LIN52: variants seen among roughly 807,000 people sequenced by gnomAD.
The protein encoded by LIN52 is lin-52 DREAM MuvB core complex component.
In LIN52, 4 loss-of-function variants were observed where a neutral mutation model predicts 18.5. The ratio of observed to expected loss-of-function variants is 0.22; its 90% CI spans 0.11 to 0.49. LIN52 has a LOEUF of 0.49. Among genes scored for constraint, LIN52 ranks in the 20% least tolerant of loss-of-function variants. The probability of loss-of-function intolerance (pLI) is 0.97; values close to 1 mark genes in which losing one functional copy is unlikely to be tolerated. For synonymous variants in LIN52, 34 were observed against 45.5 expected (o/e 0.75, Z 1.02); for missense variants, 102 against 139.5 (o/e 0.73, Z 1.35).
intron 5 of LIN52, among the ~76,000 whole-genome samples, chr14:74,177,049 A>T (rs533884505): frequency 6.0e-5 from 9 of 150,134 alleles, no homozygotes; most frequent in Non-Finnish European, 7.4e-5. Flanking sequence ...CCCAGGCCGG[A>T]GTGCAATGGT....
In LIN52 at chr14:74,199,021, C is replaced by T; in HGVS notation, c.*44C>T. The T allele has an allele frequency of 7.1e-7, 1 of 1,399,082 alleles. No homozygotes were observed. Among genetic ancestry groups the T allele is most frequent in the Non-Finnish European group, 1.0e-6 (1 of 986,202 alleles). The allele number at this position is 1,399,082 out of a possible 1,614,324, so 86.7% of individuals were successfully genotyped here. On this transcript the variant is annotated 3_prime_UTR_variant, in exon 6 of 6. Coordinates refer to ENST00000555028, the MANE Select transcript of LIN52 (RefSeq NM_001024674.3). The stretch of plus-strand genomic sequence containing the variant: ...ATGTCCTGGGGTCCGAAACCAAGCT[C>T]CCTTCCCGGTGCACCTCTAACAATG...
intron 5 of LIN52, among the ~76,000 whole-genome samples, chr14:74,102,304 C>G (rs2060863868): frequency 6.6e-6 from 1 of 152,170 alleles, no homozygotes; most frequent in African/African-American, 2.4e-5. Context: ...CTTCCTCAGA[C>G]CTCTTTATCC....
In LIN52 at chr14:74,198,997, T is replaced by C. The variant is rs1261549226; in HGVS notation, c.*20T>C. ...AAGTAGCAGCTGCTTGCGGACAGGA[T>C]GTCCTGGGGTCCGAAACCAAGCTCC... On this transcript the variant is annotated 3_prime_UTR_variant, in exon 6 of 6. Coordinates refer to ENST00000555028, the MANE Select transcript of LIN52 (RefSeq NM_001024674.3). 1.9e-6 allele frequency: 3 copies of C among 1,595,314 alleles called. No individual in the cohort carries two copies. The African/African-American group carries it at 4.0e-5, about 21-fold the overall frequency.
chr14:74,105,656 C>T (rs1417217693), intron 5 of LIN52, among the ~76,000 whole-genome samples: 1 of 151,550 alleles, frequency 6.6e-6, no homozygotes, highest in Non-Finnish European at 1.5e-5. Flanking sequence ...TCTGGTGTTT[C>T]AATGTCTAAA....
chr14:74,125,087 A>G (rs1265676050), intron 5 of LIN52, among the ~76,000 whole-genome samples: 2 of 152,190 alleles, frequency 1.3e-5, no homozygotes, highest in African/African-American at 4.8e-5. Flanking sequence ...AAACAGCCCA[A>G]TTAAGAAATT....
At chr14:74,101,751 C>T (rs1342766158) in intron 5 of LIN52, among the ~76,000 whole-genome samples, 5 of 152,100 alleles carry the variant, frequency 3.3e-5, no homozygotes, top group African/African-American at 9.7e-5. Flanking sequence ...TGAGCCACCG[C>T]GCCCGGCCGA....
chr14:74,149,926 C>A (rs1157060274), intron 5 of LIN52, among the ~76,000 whole-genome samples: 1 of 152,122 alleles, frequency 6.6e-6, no homozygotes, highest in Non-Finnish European at 1.5e-5. Flanking sequence ...TCTTGTGTTA[C>A]CATCTTAGCA....
At chr14:74,145,962 C>A (rs2061151176) in intron 5 of LIN52, among the ~76,000 whole-genome samples, 1 of 152,116 alleles carries the variant, frequency 6.6e-6, no homozygotes, top group Non-Finnish European at 1.5e-5. Context: ...ATAAAGACTG[C>A]AGATTCTATG....
intron 5 of LIN52, among the ~76,000 whole-genome samples, chr14:74,116,984 A>T (rs1013514820): frequency 2.0e-5 from 3 of 152,164 alleles, no homozygotes; most frequent in African/African-American, 4.8e-5. Flanking sequence ...AATAGGAAAA[A>T]AATACTACTT....
At chr14:74,114,412 A>G (rs2060951021) in intron 5 of LIN52, 1 of 985,492 alleles carries the variant, frequency 1.0e-6, no homozygotes, top group African/African-American at 1.7e-5. Flanking sequence ...GAGAGCTTGA[A>G]TGGATGATGG....
chr14:74,114,548 G>C, intron 5 of LIN52: 1 of 506,208 alleles, frequency 2.0e-6, no homozygotes, highest in Non-Finnish European at 2.6e-6. Flanking sequence ...TGATGTTTTA[G>C]CCTAATTAAT....
intron 5 of LIN52, among the ~76,000 whole-genome samples, chr14:74,180,986 A>G (rs1235577180): frequency 2.0e-5 from 3 of 151,616 alleles, no homozygotes; most frequent in Non-Finnish European, 4.4e-5. Flanking sequence ...ACGCACTTGT[A>G]ATCCCAGCTA....
intron 5 of LIN52, among the ~76,000 whole-genome samples, chr14:74,115,661 TAAGTA>T (rs976304147): frequency 1.2e-4 from 18 of 152,240 alleles, no homozygotes; most frequent in Admixed American, 3.3e-4. Flanking sequence ...AATTTAGCCT[TAAGTA>T]TTTTATTTTT....
chr14:74,142,247 A>G (rs62005156), intron 5 of LIN52, among the ~76,000 whole-genome samples: 2 of 152,208 alleles, frequency 1.3e-5, no homozygotes, highest in Admixed American at 6.5e-5. Flanking sequence ...TTCAAAATTG[A>G]GGTTTGACCA....
At chr14:74,115,449 G>T (rs920426824) in intron 5 of LIN52, among the ~76,000 whole-genome samples, 2 of 149,450 alleles carry the variant, frequency 1.3e-5, no homozygotes, top group African/African-American at 2.5e-5. Context: ...TAAAGCCAGA[G>T]AACTTGATTG....
chr14:74,179,696 C>G (rs28625146), intron 5 of LIN52, among the ~76,000 whole-genome samples: 1 of 151,002 alleles, frequency 6.6e-6, no homozygotes, highest in Non-Finnish European at 1.5e-5. Flanking sequence ...AAATCTAATT[C>G]TTCGGCTAAA....
chr14:74,137,488 C>T (rs2061104144), intron 5 of LIN52, among the ~76,000 whole-genome samples: 1 of 123,734 alleles, frequency 8.1e-6, no homozygotes, highest in Non-Finnish European at 1.7e-5. Context: ...AAATTCTTCA[C>T]AGCAGCTCTC....
chr14:74,104,626 A>G (rs972837511), intron 5 of LIN52, among the ~76,000 whole-genome samples: 2 of 151,504 alleles, frequency 1.3e-5, no homozygotes, highest in African/African-American at 4.9e-5. Context: ...AATATTTCAC[A>G]GTTGGTGTTG....
At chr14:74,088,822 C>A (rs1415983383) in intron 1 of LIN52, among the ~76,000 whole-genome samples, 1 of 152,092 alleles carries the variant, frequency 6.6e-6, no homozygotes, top group Non-Finnish European at 1.5e-5. Context: ...AGTTATGCAA[C>A]TGGTTAGCAT....
Sources: allele counts gnomAD v4.1 joint callset (sites outside exome capture counted in the v4.1 genomes callset), GRCh38; gene constraint gnomAD v4.1.1; transcripts MANE v1.5; gene names NCBI Gene and HGNC (gene_info 2026-07-23, HGNC 2026-07-21).